The following ZNF385D variants were observed in gnomAD, a reference collection of about 807,000 sequenced individuals.
ZNF385D encodes the protein zinc finger protein 659.
Under a neutral mutation model 35.8 loss-of-function variants are expected in ZNF385D, and 15 were observed. The ratio of observed to expected loss-of-function variants is 0.42; its 90% CI spans 0.28 to 0.64. ZNF385D has a LOEUF of 0.64. ZNF385D is among the 30% of genes least tolerant of loss of function. The pLI, the probability that ZNF385D is intolerant of heterozygous loss-of-function variation, is 0.23. For synonymous variants in ZNF385D, 212 were observed against 186.8 expected (o/e 1.13, Z -1.10); for missense variants, 474 against 494.6 (o/e 0.96, Z 0.39).
At chr3:21,792,260 T>A (rs2071961933) in intron 3 of ZNF385D, among the ~76,000 whole-genome samples, 1 of 152,224 alleles carries the variant, frequency 6.6e-6, no homozygotes, top group South Asian at 2.1e-4. Flanking sequence ...TGTTCTTTCA[T>A]AGAGCACTTT....
At chr3:22,067,498 G>T (rs1427330079) in intron 3 of ZNF385D, among the ~76,000 whole-genome samples, 1 of 152,152 alleles carries the variant, frequency 6.6e-6, no homozygotes, top group African/African-American at 2.4e-5. Context: ...TTCAGAAAAG[G>T]CTTAGAAATC....
intron 3 of ZNF385D, among the ~76,000 whole-genome samples, chr3:22,080,528 T>C (rs1700695489): frequency 6.6e-6 from 1 of 151,942 alleles, no homozygotes; most frequent in African/African-American, 2.4e-5. Context: ...TATATAACAG[T>C]TATTAACTTT....
At chr3:21,904,000 T>C (rs1402087851) in intron 3 of ZNF385D, among the ~76,000 whole-genome samples, 1 of 152,116 alleles carries the variant, frequency 6.6e-6, no homozygotes, top group Non-Finnish European at 1.5e-5. Flanking sequence ...CATATGTGTA[T>C]ACAATTTATT....
chr3:22,031,701 A>G (rs997366273), intron 3 of ZNF385D, among the ~76,000 whole-genome samples: 3 of 152,134 alleles, frequency 2.0e-5, no homozygotes, highest in African/African-American at 7.2e-5. Context: ...TGTGCTGGTT[A>G]TTAACATTTG....
intron 2 of ZNF385D, among the ~76,000 whole-genome samples, chr3:22,371,024 G>C (rs1347506492): frequency 6.6e-6 from 1 of 152,164 alleles, no homozygotes; most frequent in Non-Finnish European, 1.5e-5. Flanking sequence ...TCCATGAAGA[G>C]AGTGCTCAAG....
intron 3 of ZNF385D, among the ~76,000 whole-genome samples, chr3:21,757,120 C>CTCTTTTTTTTTTTTTTTTTTTTTTT (rs1194556367): frequency 9.4e-6 from 1 of 106,408 alleles, no homozygotes. Flanking sequence ...ATAAATTTCT[C>CTCTTTTTTTTTTTTTTTTTTTTTTT]TTTTTTTTTT....
chr3:21,595,511 A>G (rs1233432174), intron 2 of ZNF385D, among the ~76,000 whole-genome samples: 1 of 148,972 alleles, frequency 6.7e-6, no homozygotes, highest in Non-Finnish European at 1.5e-5. Context: ...TGTAATATAT[A>G]CATAGATATA....
intron 2 of ZNF385D, among the ~76,000 whole-genome samples, chr3:22,214,648 T>C (rs1576507112): frequency 6.6e-6 from 1 of 151,884 alleles, no homozygotes; most frequent in South Asian, 2.1e-4. Context: ...TCAAGCTGTA[T>C]GGATGAAATA....
At chr3:22,185,294 T>C (rs1385363608) in intron 2 of ZNF385D, among the ~76,000 whole-genome samples, 1 of 152,172 alleles carries the variant, frequency 6.6e-6, no homozygotes, top group Non-Finnish European at 1.5e-5. Flanking sequence ...TGTTTAGATA[T>C]AATATTGTGT....
intron 3 of ZNF385D, among the ~76,000 whole-genome samples, chr3:22,147,714 G>A (rs899176715): frequency 6.6e-6 from 1 of 152,146 alleles, no homozygotes; most frequent in African/African-American, 2.4e-5. Flanking sequence ...AGTAATGTGT[G>A]CATTATAGAG....
At chr3:22,296,485 T>A (rs1352594598) in intron 2 of ZNF385D, among the ~76,000 whole-genome samples, 1 of 151,920 alleles carries the variant, frequency 6.6e-6, no homozygotes, top group African/African-American at 2.4e-5. Context: ...CTATGAAAGA[T>A]AAAAGAGAAG....
At chr3:21,722,254 G>T (rs2068574032) in intron 1 of ZNF385D, among the ~76,000 whole-genome samples, 1 of 152,176 alleles carries the variant, frequency 6.6e-6, no homozygotes, top group Admixed American at 6.5e-5. Flanking sequence ...TCCCTTCCCT[G>T]TGGTTGAGTA....
intron 3 of ZNF385D, among the ~76,000 whole-genome samples, chr3:22,039,564 T>C (rs1576206833): frequency 1.3e-5 from 2 of 152,230 alleles, no homozygotes; most frequent in East Asian, 1.9e-4. Flanking sequence ...AGTATATTAC[T>C]TTGAACTGTA....
intron 2 of ZNF385D, among the ~76,000 whole-genome samples, chr3:22,171,563 C>T (rs904721274): frequency 1.3e-4 from 20 of 152,018 alleles, no homozygotes; most frequent in African/African-American, 4.8e-4. Flanking sequence ...ATTATTGTGG[C>T]TGGGGTAGGA....
chr3:21,930,097 G>A (rs1479558745), intron 3 of ZNF385D, among the ~76,000 whole-genome samples: 2 of 152,044 alleles, frequency 1.3e-5, no homozygotes, highest in African/African-American at 4.8e-5. Flanking sequence ...GGGCATATGT[G>A]CAGATCAGTG....
intron 3 of ZNF385D, among the ~76,000 whole-genome samples, chr3:21,990,543 T>C (rs1430255663): frequency 6.6e-6 from 1 of 152,222 alleles, no homozygotes; most frequent in Non-Finnish European, 1.5e-5. Context: ...TTCTATTATA[T>C]AAATATGCAA....
At chr3:21,818,637 G>A (rs551040193) in intron 3 of ZNF385D, among the ~76,000 whole-genome samples, 4 of 152,096 alleles carry the variant, frequency 2.6e-5, no homozygotes, top group African/African-American at 4.8e-5. Flanking sequence ...AATGAGAAAG[G>A]GTAATAAGAT....
chr3:21,571,631 C>G (rs915142082), intron 2 of ZNF385D, among the ~76,000 whole-genome samples: 4 of 152,140 alleles, frequency 2.6e-5, no homozygotes, highest in Admixed American at 1.3e-4. Context: ...CAACAAGACT[C>G]TACTTCAAAC....
At chr3:21,889,481 G>C (rs1334189253) in intron 3 of ZNF385D, among the ~76,000 whole-genome samples, 2 of 152,196 alleles carry the variant, frequency 1.3e-5, no homozygotes, top group African/African-American at 2.4e-5. Context: ...GGAACCCACA[G>C]TGCTCTTTAC....
Sources: gnomAD v4.1 joint callset for allele counts (sites outside exome capture counted in the v4.1 genomes callset) on GRCh38, gnomAD v4.1.1 for gene constraint, MANE v1.5 for transcripts, NCBI Gene and HGNC (gene_info 2026-07-23, HGNC 2026-07-21) for gene names.